The following PTPN9 variants were observed in gnomAD, a reference collection of about 807,000 sequenced individuals.
The protein encoded by PTPN9 is protein tyrosine phosphatase non-receptor type 9.
Under a neutral mutation model 69.8 loss-of-function variants are expected in PTPN9, and 26 were observed. The ratio of observed to expected loss-of-function variants is 0.37; its 90% CI spans 0.27 to 0.52. The LOEUF is 0.52. Among genes scored for constraint, PTPN9 ranks in the 20% least tolerant of loss-of-function variants. PTPN9 has a pLI of 0.91. For synonymous variants in PTPN9, 274 were observed against 272.5 expected (o/e 1.01, Z -0.05); for missense variants, 549 against 740.3 (o/e 0.74, Z 3.00).
intron 4 of PTPN9, among the ~76,000 whole-genome samples, chr15:75,519,160 G>A (rs1346490125): frequency 1.3e-5 from 2 of 152,186 alleles, no homozygotes; most frequent in Admixed American, 6.5e-5. Flanking sequence ...CCAGGCTGGA[G>A]TGCAACGGCG....
chr15:75,521,289 CAAA>C (rs75296706), intron 4 of PTPN9, among the ~76,000 whole-genome samples: 44,936 of 91,144 alleles, frequency 0.49, 8,266 homozygotes, highest in Middle Eastern at 0.62. Flanking sequence ...ACTAAAAATA[CAAA>C]AAAAAAAAAA....
chr15:75,526,853 C>T (rs895525083), intron 2 of PTPN9, among the ~76,000 whole-genome samples: 1 of 152,200 alleles, frequency 6.6e-6, no homozygotes, highest in Non-Finnish European at 1.5e-5. Context: ...TATCCTGCCA[C>T]CAGGATGCTG....
intron 8 of PTPN9, among the ~76,000 whole-genome samples, chr15:75,486,880 G>T (rs998095061): frequency 6.6e-6 from 1 of 150,712 alleles, no homozygotes; most frequent in Non-Finnish European, 1.5e-5. Context: ...CGCCTCCCAG[G>T]TTCATGCCAT....
intron 1 of PTPN9, among the ~76,000 whole-genome samples, chr15:75,555,494 C>T (rs1163524083): frequency 6.6e-6 from 1 of 151,738 alleles, no homozygotes; most frequent in Non-Finnish European, 1.5e-5. Context: ...ATTTACTTTT[C>T]ATTTTATTAT....
At chr15:75,539,242 C>G (rs1298359692) in intron 1 of PTPN9, among the ~76,000 whole-genome samples, 9 of 151,548 alleles carry the variant, frequency 5.9e-5, no homozygotes, top group Non-Finnish European at 7.4e-5. Context: ...CCACTGTGCC[C>G]GGCCAGTGAT....
intron 8 of PTPN9, among the ~76,000 whole-genome samples, chr15:75,486,391 A>G (rs1415273007): frequency 6.6e-6 from 1 of 151,890 alleles, no homozygotes; most frequent in African/African-American, 2.4e-5. Context: ...GTGCTCCCTC[A>G]CCCCTTCCCC....
At chr15:75,546,595 A>G (rs1444284928) in intron 1 of PTPN9, among the ~76,000 whole-genome samples, 1 of 151,860 alleles carries the variant, frequency 6.6e-6, no homozygotes, top group Non-Finnish European at 1.5e-5. Context: ...GTGAGCCGAG[A>G]TCATGCCACT....
chr15:75,554,524 C>A (rs76406781), intron 1 of PTPN9, among the ~76,000 whole-genome samples: 4 of 151,666 alleles, frequency 2.6e-5, no homozygotes, highest in African/African-American at 7.3e-5. Flanking sequence ...GCAGGGTCTC[C>A]CCATGTTGCC....
chr15:75,558,259 C>T (rs1229207514), intron 1 of PTPN9, among the ~76,000 whole-genome samples: 1 of 151,874 alleles, frequency 6.6e-6, no homozygotes, highest in Admixed American at 6.6e-5. Context: ...ACCCAGGAGG[C>T]GGAGGCTGCA....
intron 1 of PTPN9, among the ~76,000 whole-genome samples, chr15:75,539,718 C>A (rs1473029082): frequency 6.6e-6 from 1 of 152,108 alleles, no homozygotes; most frequent in African/African-American, 2.4e-5. Context: ...GTCACCCAGG[C>A]TGGAGTGCAG....
chr15:75,505,000 C>T (rs1290208853), intron 7 of PTPN9, among the ~76,000 whole-genome samples: 1 of 151,962 alleles, frequency 6.6e-6, no homozygotes, highest in Non-Finnish European at 1.5e-5. Flanking sequence ...ATGACAATGG[C>T]GGTTTTGTGG....
chr15:75,556,805 T>C (rs2075079734), intron 1 of PTPN9, among the ~76,000 whole-genome samples: 2 of 152,206 alleles, frequency 1.3e-5, no homozygotes, highest in African/African-American at 4.8e-5. Context: ...TAACCCAAAA[T>C]TGTTTTATCA....
chr15:75,519,246 C>A (rs560684965), intron 4 of PTPN9, among the ~76,000 whole-genome samples: 5 of 152,260 alleles, frequency 3.3e-5, no homozygotes, highest in African/African-American at 1.2e-4. Context: ...GTAGCTAGGA[C>A]TACAGGTGCC....
chr15:75,490,224 C>T lies in PTPN9; in HGVS notation c.1046G>A (p.Arg349Gln), dbSNP rs758645507. Residue 349 changes from arginine to glutamine, a missense_variant, in exon 8 of 13, where the codon CGA (arginine) becomes CAA (glutamine). Physicochemically the swap from Arg to Gln is conservative, Grantham distance 43. Around this residue, in one of 3 missense-constraint regions of PTPN9, gnomAD observed 457 missense variants for 661.9 expected, o/e 0.69. Coordinates refer to ENST00000618819, the MANE Select transcript of PTPN9 (RefSeq NM_002833.4). The stretch of plus-strand genomic sequence containing the variant: ...TCTGTCTACCTGAGTATGGCCACTT[C>T]GCTTTGTTAGCTTCACTCTAGTTTG... ...LDQTRVKLTK[R>Q]SGHTQTDYIN... 5 of 1,611,986 alleles carry T rather than the reference C, an allele frequency of 3.1e-6. No homozygotes were observed. The highest frequency in any genetic ancestry group is 1.3e-5 in the African/African-American group (1 of 74,890).
chr15:75,544,097 A>C (rs993236450), intron 1 of PTPN9, among the ~76,000 whole-genome samples: 1 of 152,264 alleles, frequency 6.6e-6, no homozygotes, highest in Non-Finnish European at 1.5e-5. Flanking sequence ...GAATTCCCAG[A>C]GACAACAGAG....
chr15:75,485,438 G>A (rs1049566711), intron 8 of PTPN9, among the ~76,000 whole-genome samples: 7 of 134,542 alleles, frequency 5.2e-5, no homozygotes, highest in Admixed American at 4.5e-4. Context: ...GCGCAATCTC[G>A]GCTCACTGCA....
chr15:75,508,879 T>G, intron 6 of PTPN9, 38 bp downstream of exon 6: 1 of 1,445,724 alleles, frequency 6.9e-7, no homozygotes, highest in Non-Finnish European at 9.7e-7. Context: ...TCACTGTATC[T>G]ATTCACCTCC....
Position 75,578,981 on chromosome 15 carries a change from C to G in PTPN9, c.-205G>C, listed in dbSNP as rs950103537. 1 of 289,624 alleles carries G rather than the reference C, an allele frequency of 3.5e-6. No homozygotes were observed. Among genetic ancestry groups the G allele is most frequent in the Non-Finnish European group, 6.4e-6 (1 of 157,388 alleles). 17.9% of individuals were successfully genotyped at this position (289,624 alleles called of 1,614,324 possible). ...AATCTCTCCGAACTGCCGCTCTCTT[C>G]CGGGAGGAAATCCTTTTTTATATTA... On this transcript the variant is annotated 5_prime_UTR_variant, in exon 1 of 13. Transcript: ENST00000618819.
intron 7 of PTPN9, among the ~76,000 whole-genome samples, chr15:75,492,678 T>C (rs1254132264): frequency 6.6e-6 from 1 of 152,198 alleles, no homozygotes; most frequent in African/African-American, 2.4e-5. Flanking sequence ...TGTCTGATCA[T>C]TATAATCTGA....
Sources: gnomAD v4.1 joint callset for allele counts (sites outside exome capture counted in the v4.1 genomes callset) on GRCh38, gnomAD v4.1.1 for gene constraint, gnomAD v4.1.1 regional missense constraint, MANE v1.5 for transcripts, NCBI Gene and HGNC (gene_info 2026-07-23, HGNC 2026-07-21) for gene names.